FGGY: variants seen among roughly 807,000 people sequenced by gnomAD.
The protein encoded by FGGY is FGGY carbohydrate kinase domain-containing protein.
FGGY carries 72 observed loss-of-function variants against 71.3 expected under a neutral mutation model. The observed-to-expected ratio is 1.01, with a 90% confidence interval of 0.84 to 1.23. The LOEUF (loss-of-function observed/expected upper bound fraction) is 1.23, where lower values mean the gene tolerates loss of function less well. FGGY is among the 50% of genes most tolerant of loss of function. The probability of loss-of-function intolerance (pLI) is 0.00; values close to 1 mark genes in which losing one functional copy is unlikely to be tolerated. For missense variants in FGGY, 668 were observed against 682.3 expected, an observed-to-expected ratio of 0.98 and a Z score of 0.23; for synonymous variants, 251 against 250.3, an observed-to-expected ratio of 1.00 and a Z score of -0.02.
chr1:59,722,432 C>T (rs917252048), intron 14 of FGGY, among the ~76,000 whole-genome samples: 2 of 152,178 alleles, frequency 1.3e-5, no homozygotes, highest in African/African-American at 4.8e-5. Flanking sequence ...AAGTAAGTTA[C>T]GATCTACCTC....
intron 1 of FGGY, among the ~76,000 whole-genome samples, chr1:59,315,979 A>G (rs1570216875): frequency 6.6e-6 from 1 of 152,222 alleles, no homozygotes; most frequent in Non-Finnish European, 1.5e-5. Flanking sequence ...GGTAGAGCCC[A>G]TAGAGAAACA....
chr1:59,648,740 G>T (rs921252370), intron 11 of FGGY, among the ~76,000 whole-genome samples: 1 of 151,298 alleles, frequency 6.6e-6, no homozygotes, highest in African/African-American at 2.5e-5. Context: ...CTGTGCAGAA[G>T]CTCTTTAGTT....
At chr1:59,608,170 A>G (rs893115676) in intron 9 of FGGY, among the ~76,000 whole-genome samples, 1 of 152,180 alleles carries the variant, frequency 6.6e-6, no homozygotes, top group East Asian at 1.9e-4. Flanking sequence ...TCTCAGAGTG[A>G]TGAGAATGAT....
At chr1:59,630,731 T>C (rs1211582608) in intron 10 of FGGY, among the ~76,000 whole-genome samples, 1 of 152,238 alleles carries the variant, frequency 6.6e-6, no homozygotes, top group African/African-American at 2.4e-5. Flanking sequence ...AAAGAATTTA[T>C]GGATTACCAT....
rs543814484 is a variant in FGGY at position 59,351,023 on chromosome 1, A to G, written c.465+4625A>G. Among the ~76,000 whole-genome samples, 6 of 152,314 alleles carry G rather than the reference A, an allele frequency of 3.9e-5. No individual in the cohort carries two copies. The South Asian group carries it at 1.0e-3, about 26-fold the overall frequency. On this transcript the variant is annotated intron_variant, in intron 4 of 15. Coordinates refer to ENST00000303721, the MANE Select transcript of FGGY (RefSeq NM_018291.5). ...TATTGGATGGCTTGAGAAAATGTAA[A>G]TGGTTTTACATTTTCAAGTGGTTAA...
intron 7 of FGGY, among the ~76,000 whole-genome samples, chr1:59,512,957 TG>T (rs1474113638): frequency 1.3e-5 from 2 of 152,344 alleles, no homozygotes; most frequent in Admixed American, 1.3e-4. Context: ...TGTCCAGGCA[TG>T]GTGCTAGAAG....
chr1:59,565,221 A>T (rs779181337), intron 8 of FGGY, among the ~76,000 whole-genome samples: 1 of 152,090 alleles, frequency 6.6e-6, no homozygotes, highest in East Asian at 1.9e-4. Context: ...TTACCAATTT[A>T]TGGGGACTGA....
chr1:59,542,581 C>G (rs546623482), intron 7 of FGGY, among the ~76,000 whole-genome samples: 2 of 150,616 alleles, frequency 1.3e-5, no homozygotes, highest in African/African-American at 2.4e-5. Context: ...CTCAGCGTCC[C>G]GAGTACCTGG....
chr1:59,379,433 A>C (rs1397955330), intron 5 of FGGY, among the ~76,000 whole-genome samples: 1 of 152,130 alleles, frequency 6.6e-6, no homozygotes, highest in African/African-American at 2.4e-5. Context: ...CTAAACATAG[A>C]AAAGATATCA....
At chr1:59,346,196 T>C in intron 3 of FGGY, 51 bp from the exon 4 acceptor site, 1 of 1,602,258 alleles carries the variant, frequency 6.2e-7, no homozygotes, top group Non-Finnish European at 8.5e-7. Flanking sequence ...TCCCTTGAAT[T>C]AGAAGGAAGA....
rs531033190 is a variant in FGGY, at chr1:59,723,785, C to CT, written c.1513-34145dup. Among the ~76,000 whole-genome samples, 10 of 152,300 alleles carry CT rather than the reference C, an allele frequency of 6.6e-5. No homozygotes were observed. In the South Asian group the frequency reaches 1.9e-3, roughly 28 times the overall value. Reference sequence around the variant, plus strand: ...TACATTAAGGTTTACTTTTTGTACTCTAACATTCAGTGGTTTTGATAAATG... The same window carrying CT: ...TACATTAAGGTTTACTTTTTGTACTCTTAACATTCAGTGGTTTTGATAAATG... On this transcript the variant is annotated intron_variant, in intron 14 of 15. Coordinates refer to ENST00000303721, the MANE Select transcript of FGGY (RefSeq NM_018291.5).
intron 4 of FGGY, among the ~76,000 whole-genome samples, chr1:59,378,446 A>C (rs1460506507): frequency 6.6e-6 from 1 of 151,964 alleles, no homozygotes; most frequent in East Asian, 1.9e-4. Flanking sequence ...AAAATTACCC[A>C]GTCTCGGGTA....
At chr1:59,456,906 A>G in intron 5 of FGGY, 55 bp from the exon 6 acceptor site, 1 of 1,326,122 alleles carries the variant, frequency 7.5e-7, no homozygotes, top group Non-Finnish European at 1.1e-6. Flanking sequence ...TGCAAAATAT[A>G]AAGGAAGCCT....
chr1:59,720,763 G>A (rs1558901276), intron 14 of FGGY, among the ~76,000 whole-genome samples: 1 of 152,146 alleles, frequency 6.6e-6, no homozygotes, highest in South Asian at 2.1e-4. Context: ...TTTAAAAAAA[G>A]GCTGGAATAC....
chr1:59,407,856 C>T (rs1026136140), intron 5 of FGGY, among the ~76,000 whole-genome samples: 1 of 152,170 alleles, frequency 6.6e-6, no homozygotes, highest in African/African-American at 2.4e-5. Context: ...ACCGCTGTAC[C>T]AAGTGGCATT....
At chr1:59,735,148 C>T (rs1440348939) in intron 14 of FGGY, among the ~76,000 whole-genome samples, 6 of 152,156 alleles carry the variant, frequency 3.9e-5, no homozygotes, top group East Asian at 1.9e-4. Flanking sequence ...GATTCGAGAA[C>T]GTTCACACAC....
At chr1:59,586,096 G>A (rs1437138914) in intron 8 of FGGY, among the ~76,000 whole-genome samples, 3 of 152,238 alleles carry the variant, frequency 2.0e-5, no homozygotes, top group African/African-American at 7.2e-5. Context: ...GTGGAAGTCA[G>A]TGTGGCGATT....
chr1:59,424,513 C>T (rs956333725), intron 5 of FGGY, among the ~76,000 whole-genome samples: 3 of 152,138 alleles, frequency 2.0e-5, no homozygotes, highest in Admixed American at 1.3e-4. Context: ...CGCCACTGCA[C>T]TCCAGCCTGG....
At chr1:59,357,209 T>C (rs2054500125) in intron 4 of FGGY, among the ~76,000 whole-genome samples, 1 of 152,220 alleles carries the variant, frequency 6.6e-6, no homozygotes, top group South Asian at 2.1e-4. Context: ...TATTTGCATA[T>C]TTGATTTATA....
Sources: allele counts gnomAD v4.1 joint callset (sites outside exome capture counted in the v4.1 genomes callset), GRCh38; gene constraint gnomAD v4.1.1; transcripts MANE v1.5; gene names NCBI Gene and HGNC (gene_info 2026-07-23, HGNC 2026-07-21).